The following MXD1 variants were observed in gnomAD, a reference collection of about 807,000 sequenced individuals.
MXD1 encodes the protein MAX-binding protein.
Under a neutral mutation model 25.7 loss-of-function variants are expected in MXD1, and 9 were observed. The observed-to-expected ratio is 0.35, with a 90% CI of 0.21 to 0.61. The LOEUF is 0.61. Ranked by LOEUF, MXD1 falls within the 20% of genes least tolerant of loss-of-function variation. The pLI is 0.75. For synonymous variants in MXD1, 99 were observed against 113.9 expected (o/e 0.87, Z 0.83); for missense variants, 227 against 292.4 (o/e 0.78, Z 1.63).
At chr2:69,932,456 C>T (rs1677311484) in intron 3 of MXD1, among the ~76,000 whole-genome samples, 1 of 152,188 alleles carries the variant, frequency 6.6e-6, no homozygotes, top group Admixed American at 6.5e-5. Flanking sequence ...CATCAGGCTG[C>T]AGCAGTGAGG....
At chr2:69,933,873 A>G (rs1677357915) in intron 3 of MXD1, among the ~76,000 whole-genome samples, 2 of 152,190 alleles carry the variant, frequency 1.3e-5, no homozygotes, top group Admixed American at 6.5e-5. Context: ...TTGTTTCCCA[A>G]TTCAGCTGGA....
At chr2:69,927,020 A>C (rs1448813100) in intron 3 of MXD1, among the ~76,000 whole-genome samples, 1 of 152,214 alleles carries the variant, frequency 6.6e-6, no homozygotes, top group East Asian at 1.9e-4. Flanking sequence ...ACCCTGTGAC[A>C]GAAGATTTCT....
chr2:69,937,439 A>G, intron 5 of MXD1, 45 bp downstream of exon 5: 1 of 1,500,864 alleles, frequency 6.7e-7, no homozygotes, highest in Non-Finnish European at 8.8e-7. Flanking sequence ...GTGCTCCCCA[A>G]CCCCAGAGCA....
intron 3 of MXD1, among the ~76,000 whole-genome samples, chr2:69,924,634 G>A (rs1295776892): frequency 6.6e-6 from 1 of 152,072 alleles, no homozygotes; most frequent in Non-Finnish European, 1.5e-5. Flanking sequence ...TCGGGTAAAT[G>A]CTAATATACT....
rs1015859063 is a variant in MXD1 at position 69,915,798 on chromosome 2, C to G, written c.74-323C>G. ...GGTCCCCGGCTCACGGTGCTTGCCC[C>G]GCACCTTCGCCTGAGCTGGTTCCAC... On this transcript the variant is annotated intron_variant, in intron 1 of 5. Coordinates refer to ENST00000264444, the MANE Select transcript of MXD1 (RefSeq NM_002357.4). The surrounding 1 kb of genome is among the most constrained non-coding windows in gnomAD (Gnocchi z 5.8). Among the ~76,000 whole-genome samples, 5 of 152,248 alleles carry G rather than the reference C, an allele frequency of 3.3e-5. No homozygotes were observed. Among genetic ancestry groups the G allele is most frequent in the East Asian group, 1.9e-4 (1 of 5,188 alleles).
intron 3 of MXD1, among the ~76,000 whole-genome samples, chr2:69,929,979 T>G (rs925072104): frequency 6.6e-6 from 1 of 152,258 alleles, no homozygotes; most frequent in Admixed American, 6.5e-5. Flanking sequence ...TCAAAAATTT[T>G]GGCAGTGTCA....
rs1325377576 is a variant in MXD1, at chr2:69,921,674, G to C, written c.174-62G>C. 2.8e-6 allele frequency: 4 copies of C among 1,446,284 alleles called. No homozygotes were observed. In the African/African-American group the frequency reaches 5.6e-5, roughly 20 times the overall value. The allele number at this position is 1,446,284 out of a possible 1,614,324, so 89.6% of individuals were successfully genotyped here. On this transcript the variant is annotated intron_variant, in intron 2 of 5. Coordinates refer to ENST00000264444, the MANE Select transcript of MXD1 (RefSeq NM_002357.4). ...GAAAGAAGTTAAAAGAATTGTGTTG[G>C]TGTTGAAGTAGTTCTTTAAGACAAA... is the stretch of plus-strand genomic sequence containing the variant.
Position 69,926,132 on chromosome 2 carries a change from T to C in MXD1, c.203+4367T>C, listed in dbSNP as rs140127743. ...AAAAGTTTCCATAATATAAAGGACA[T>C]ATATGAAAGATATTGACACTTTTTC... On this transcript the variant is annotated intron_variant, in intron 3 of 5. Transcript: ENST00000264444. Among the ~76,000 whole-genome samples, 4 of 152,304 alleles carry C rather than the reference T, an allele frequency of 2.6e-5. No homozygotes were observed. The East Asian group carries it at 7.7e-4, about 29-fold the overall frequency.
chr2:69,938,050 C>T (rs775998406), intron 5 of MXD1, 47 bp from the exon 6 acceptor site: 5 of 1,582,774 alleles, frequency 3.2e-6, no homozygotes, highest in East Asian at 4.5e-5. Context: ...CCTGAGCTTT[C>T]TGCAGAGCGC....
chr2:69,936,157 T>C (rs1268313519), intron 4 of MXD1, among the ~76,000 whole-genome samples: 1 of 152,100 alleles, frequency 6.6e-6, no homozygotes. Flanking sequence ...ATTCTTCAGA[T>C]CACAGTGCAA....
At position 69,915,443 on chromosome 2, in the gene MXD1, G is replaced by A. The variant is rs2104151890; in HGVS notation, c.73+40G>A. 1.6e-6 allele frequency: 2 copies of A among 1,256,650 alleles called. No individual in the cohort carries two copies. Among genetic ancestry groups the A allele is most frequent in the Non-Finnish European group, 2.0e-6 (2 of 989,792 alleles). 77.8% of individuals were successfully genotyped at this position (1,256,650 alleles called of 1,614,324 possible). A position where few individuals can be genotyped will look rare whatever the true frequency, so the allele number is the denominator to read the frequency against. The stretch of plus-strand genomic sequence containing the variant: ...GGAGGGGTCCACTCGAAACGAGGCC[G>A]GGGGTCCTGTGGGGCCGGCCTCAGG... On this transcript the variant is annotated intron_variant, in intron 1 of 5. Coordinates refer to ENST00000264444, the MANE Select transcript of MXD1 (RefSeq NM_002357.4). This position sits in a 1 kb window ranked among gnomAD's most constrained non-coding sequence, Gnocchi z 5.8.
In MXD1 at chr2:69,939,035, TC is replaced by T. The variant is rs1477367340; in HGVS notation, c.*752del. 6.6e-6 allele frequency: 1 copy of T among 152,522 alleles called. No individual in the cohort carries two copies. The highest frequency in any genetic ancestry group is 1.5e-5 in the Non-Finnish European group (1 of 68,022). The allele number at this position is 152,522 out of a possible 1,614,324, so 9.4% of individuals were successfully genotyped here. A position where few individuals can be genotyped will look rare whatever the true frequency, so the allele number is the denominator to read the frequency against. On this transcript the variant is annotated 3_prime_UTR_variant, in exon 6 of 6. Transcript: ENST00000264444. ...TGTGTTCTGCTATCTCGAGGCACAT[TC>T]TCCCCTCCAACTTTGTTAATGCTAC...
intron 3 of MXD1, among the ~76,000 whole-genome samples, chr2:69,924,369 T>A (rs1383369452): frequency 6.6e-6 from 1 of 152,218 alleles, no homozygotes; most frequent in Non-Finnish European, 1.5e-5. Flanking sequence ...CTTTTCTTTT[T>A]TGGAATTTGG....
chr2:69,918,687 G>A (rs1374142786), intron 2 of MXD1, among the ~76,000 whole-genome samples: 2 of 152,032 alleles, frequency 1.3e-5, no homozygotes, highest in African/African-American at 4.8e-5. Flanking sequence ...ATTTTTCCTG[G>A]TTATCTCAGA....
chr2:69,928,772 C>T (rs188192711), intron 3 of MXD1, among the ~76,000 whole-genome samples: 5 of 151,482 alleles, frequency 3.3e-5, no homozygotes, highest in Non-Finnish European at 5.9e-5. Flanking sequence ...ATTGAGTCTG[C>T]GAAGTTGATG....
chr2:69,923,537 G>A (rs1159619295), intron 3 of MXD1, among the ~76,000 whole-genome samples: 1 of 152,120 alleles, frequency 6.6e-6, no homozygotes, highest in African/African-American at 2.4e-5. Context: ...CAGGCAGGTA[G>A]AATCTGGGAA....
rs1008377001 is a variant in MXD1, at chr2:69,933,314, T to C, written c.204-2037T>C. ...TTATACTTTCTCATAGTGTTTCTAA[T>C]AACATGATCTATTTTCATGGCTCTT... On this transcript the variant is annotated intron_variant, in intron 3 of 5. Transcript: ENST00000264444. Among the ~76,000 whole-genome samples the C allele has an allele frequency of 4.6e-5, 7 of 151,686 alleles. No individual in the cohort carries two copies. The South Asian group carries it at 1.2e-3, about 27-fold the overall frequency.
At chr2:69,917,561 C>T (rs1676984297) in intron 2 of MXD1, among the ~76,000 whole-genome samples, 1 of 152,090 alleles carries the variant, frequency 6.6e-6, no homozygotes, top group Admixed American at 6.6e-5. Flanking sequence ...AAGCATCATC[C>T]ATTTTTGCTT....
At chr2:69,919,983 AGTTTT>A (rs71993271) in intron 2 of MXD1, among the ~76,000 whole-genome samples, 7,991 of 150,526 alleles carry the variant, frequency 0.053, 299 homozygotes, top group Non-Finnish European at 0.082. Context: ...ACCATTTTAA[AGTTTT>A]GTTTTGTTTT....
Sources: allele counts gnomAD v4.1 joint callset (sites outside exome capture counted in the v4.1 genomes callset), GRCh38; gene constraint gnomAD v4.1.1; non-coding constraint Gnocchi (gnomAD v3.1); transcripts MANE v1.5; gene names NCBI Gene and HGNC (gene_info 2026-07-23, HGNC 2026-07-21).